The following PTPRN2 variants were observed in gnomAD, a reference collection of about 807,000 sequenced individuals.
PTPRN2 encodes protein tyrosine phosphatase receptor type N2.
A neutral mutation model predicts 118.8 loss-of-function variants in PTPRN2; 74 were observed. The ratio of observed to expected loss-of-function variants is 0.62; its 90% confidence interval spans 0.52 to 0.76. PTPRN2 has a LOEUF of 0.76. PTPRN2 is among the 30% of genes least tolerant of loss of function. PTPRN2 has a pLI of 0.00. For missense variants in PTPRN2, 1,481 were observed against 1,394.4 expected (o/e 1.06, Z -0.99); for synonymous variants, 641 against 608.0 (o/e 1.05, Z -0.80).
intron 1 of PTPRN2, among the ~76,000 whole-genome samples, chr7:158,545,921 C>T (rs1826248999): frequency 6.6e-6 from 1 of 152,188 alleles, no homozygotes; most frequent in Non-Finnish European, 1.5e-5. Context: ...ATCGCTTGAA[C>T]CTGGGAGACA....
intron 12 of PTPRN2, among the ~76,000 whole-genome samples, chr7:157,711,745 C>T (rs1191197870): frequency 6.6e-6 from 1 of 152,132 alleles, no homozygotes; most frequent in Non-Finnish European, 1.5e-5. Context: ...CGCAGCAGTT[C>T]TGCCGGGTTA....
intron 3 of PTPRN2, among the ~76,000 whole-genome samples, chr7:158,292,613 C>A (rs1294987559): frequency 6.6e-6 from 1 of 152,228 alleles, no homozygotes; most frequent in East Asian, 1.9e-4. Flanking sequence ...CCAGATGGGA[C>A]AGCCCGCCAC....
chr7:157,557,507 G>A (rs979251965), intron 21 of PTPRN2, among the ~76,000 whole-genome samples: 5 of 145,704 alleles, frequency 3.4e-5, no homozygotes, highest in African/African-American at 7.7e-5. Flanking sequence ...AGGTACACAC[G>A]GCATGCATAG....
intron 5 of PTPRN2, among the ~76,000 whole-genome samples, chr7:158,184,558 T>C (rs1416439945): frequency 1.3e-5 from 2 of 152,212 alleles, no homozygotes; most frequent in Non-Finnish European, 2.9e-5. Flanking sequence ...TTTATTGCAC[T>C]GGCTAAGATC....
intron 13 of PTPRN2, among the ~76,000 whole-genome samples, chr7:157,677,806 GGA>G (rs1397943579): frequency 6.6e-6 from 1 of 152,170 alleles, no homozygotes; most frequent in Non-Finnish European, 1.5e-5. Flanking sequence ...AGAAACCATG[GGA>G]TTTGGCACCA....
chr7:158,535,694 G>A (rs1825604630), intron 1 of PTPRN2, among the ~76,000 whole-genome samples: 1 of 151,668 alleles, frequency 6.6e-6, no homozygotes, highest in Admixed American at 6.6e-5. Context: ...TTGGTCAACT[G>A]TGTACACAAC....
In PTPRN2 at chr7:157,787,052, CCGGGAGGCGGACGCGGG is replaced by C. The variant is rs1804092165; in HGVS notation, c.1789-104132_1789-104116del. ...CGGCGGGGGACGCGGGGGTGGCTGCCCGGGAGGCGGACGCGGGTGCGGCGGGGGACGCGGGGGTGGCT... is the reference window on the plus strand; with the variant it reads ...CGGCGGGGGACGCGGGGGTGGCTGCCTGCGGCGGGGGACGCGGGGGTGGCT... On this transcript the variant is annotated intron_variant, in intron 12 of 22. Coordinates refer to ENST00000389418, the MANE Select transcript of PTPRN2 (RefSeq NM_002847.5). This position sits in a 1 kb window ranked among gnomAD's most constrained non-coding sequence, Gnocchi z 5.3. Among the ~76,000 whole-genome samples the C allele has an allele frequency of 6.9e-6, 1 of 144,878 alleles. No individual in the cohort carries two copies. The highest frequency in any genetic ancestry group is 1.5e-5 in the Non-Finnish European group (1 of 65,988).
intron 3 of PTPRN2, among the ~76,000 whole-genome samples, chr7:158,278,316 A>G (rs1799170160): frequency 6.6e-6 from 1 of 151,172 alleles, no homozygotes; most frequent in Non-Finnish European, 1.5e-5. Context: ...CAGCCTGTGC[A>G]ACATGATGAA....
At chr7:157,971,581 G>A (rs1336669951) in intron 11 of PTPRN2, among the ~76,000 whole-genome samples, 1 of 152,110 alleles carries the variant, frequency 6.6e-6, no homozygotes, top group Non-Finnish European at 1.5e-5. Flanking sequence ...GCAATTCCGT[G>A]CTAATTAACT....
intron 10 of PTPRN2, among the ~76,000 whole-genome samples, chr7:158,107,414 T>G (rs1028172829): frequency 2.0e-5 from 3 of 152,048 alleles, no homozygotes; most frequent in African/African-American, 7.3e-5. Flanking sequence ...GTTAAAACAC[T>G]GAAGTATTTC....
intron 12 of PTPRN2, among the ~76,000 whole-genome samples, chr7:157,885,701 C>T (rs1187875994): frequency 6.6e-6 from 1 of 152,204 alleles, no homozygotes; most frequent in Non-Finnish European, 1.5e-5. Context: ...TGCGAATGTG[C>T]TATAGATGTA....
At position 158,438,432 on chromosome 7, in the gene PTPRN2, G is replaced by T. The variant is rs528447698; in HGVS notation, c.163+51303C>A. 1.3e-5 allele frequency among the ~76,000 whole-genome samples: 2 copies of T among 151,940 alleles called. No individual in the cohort carries two copies. The highest frequency in any genetic ancestry group is 2.9e-5 in the Non-Finnish European group (2 of 67,990). On this transcript the variant is annotated intron_variant, in intron 2 of 22. Coordinates refer to ENST00000389418, the MANE Select transcript of PTPRN2 (RefSeq NM_002847.5). This position sits in a 1 kb window ranked among gnomAD's most constrained non-coding sequence, Gnocchi z 4.7. ...ATAATTGTACATATTTATGGGCTAC[G>T]GTGTGATGTTTCAACACATATATAC...
chr7:158,149,038 C>T (rs1169990834), intron 6 of PTPRN2, among the ~76,000 whole-genome samples: 1 of 136,262 alleles, frequency 7.3e-6, no homozygotes, highest in Non-Finnish European at 1.6e-5. Context: ...GTGTCTTTCC[C>T]TCTCACTGAC....
chr7:158,578,445 GAA>G (rs1375047667), intron 1 of PTPRN2, among the ~76,000 whole-genome samples: 1 of 148,680 alleles, frequency 6.7e-6, no homozygotes, highest in Admixed American at 6.8e-5. Flanking sequence ...TGAGTGGGGA[GAA>G]ACACTTGAGC....
chr7:158,485,105 C>T (rs921767244), intron 2 of PTPRN2, among the ~76,000 whole-genome samples: 1 of 152,120 alleles, frequency 6.6e-6, no homozygotes, highest in African/African-American at 2.4e-5. Flanking sequence ...CCTGGGCCAC[C>T]GAGCGCAGGG....
rs1433775848 is a variant in PTPRN2 at position 158,570,744 on chromosome 7, C to T, written c.112+16814G>A. On this transcript the variant is annotated intron_variant, in intron 1 of 22. Transcript: ENST00000389418. This position sits in a 1 kb window ranked among gnomAD's most constrained non-coding sequence, Gnocchi z 4.5. ...CCGCGGAGAAGCTTGAGCCTGTGAGCCCCCGTCTCCGACCACGGACTCACC... is the reference window on the plus strand; with the variant it reads ...CCGCGGAGAAGCTTGAGCCTGTGAGTCCCCGTCTCCGACCACGGACTCACC... Among the ~76,000 whole-genome samples, 1 of 152,238 alleles carries T rather than the reference C, an allele frequency of 6.6e-6. No homozygotes were observed. Among genetic ancestry groups the T allele is most frequent in the Non-Finnish European group, 1.5e-5 (1 of 68,036 alleles).
intron 12 of PTPRN2, among the ~76,000 whole-genome samples, chr7:157,835,489 C>T (rs949465425): frequency 6.6e-6 from 1 of 152,074 alleles, no homozygotes; most frequent in Non-Finnish European, 1.5e-5. Context: ...ACAAAAGATG[C>T]TAAAAGAGGG....
intron 11 of PTPRN2, among the ~76,000 whole-genome samples, chr7:157,934,120 C>T (rs1415905876): frequency 6.6e-6 from 1 of 152,210 alleles, no homozygotes; most frequent in Non-Finnish European, 1.5e-5. Flanking sequence ...CTCAAGGGCA[C>T]GTGTGCGGAT....
At chr7:158,096,240 T>C (rs976324756) in intron 10 of PTPRN2, among the ~76,000 whole-genome samples, 3 of 152,284 alleles carry the variant, frequency 2.0e-5, no homozygotes, top group Non-Finnish European at 4.4e-5. Flanking sequence ...TGTTGAAGAA[T>C]TGTAAGAGTC....
Sources: allele counts gnomAD v4.1 joint callset (sites outside exome capture counted in the v4.1 genomes callset), GRCh38; gene constraint gnomAD v4.1.1; non-coding constraint Gnocchi (gnomAD v3.1); transcripts MANE v1.5; gene names NCBI Gene and HGNC (gene_info 2026-07-23, HGNC 2026-07-21).